Variants in WDFY3 observed in about 807,000 individuals in gnomAD.
The protein encoded by WDFY3 is WD repeat and FYVE domain-containing protein 3.
In WDFY3, 66 loss-of-function variants were observed where a neutral mutation model predicts 409.6. The observed-to-expected ratio is 0.16, with a 90% CI of 0.13 to 0.20. The LOEUF is 0.20. Ranked by LOEUF, WDFY3 falls within the 10% of genes least tolerant of loss-of-function variation. The pLI is 1.00. For missense variants in WDFY3, 3,031 were observed against 4,298.1 expected, an observed-to-expected ratio of 0.71 and a Z score of 8.24; for synonymous variants, 1,521 against 1,537.1, an observed-to-expected ratio of 0.99 and a Z score of 0.25.
At chr4:84,739,633 G>A (rs1738052577) in intron 39 of WDFY3, among the ~76,000 whole-genome samples, 1 of 152,064 alleles carries the variant, frequency 6.6e-6, no homozygotes, top group Non-Finnish European at 1.5e-5. Flanking sequence ...ATTTCTTTCA[G>A]GTTAGGGGCC....
chr4:84,953,389 T>G (rs1773851639), intron 1 of WDFY3, among the ~76,000 whole-genome samples: 1 of 152,152 alleles, frequency 6.6e-6, no homozygotes, highest in Non-Finnish European at 1.5e-5. Context: ...TGTATTGTAT[T>G]CAGGATTTTT....
intron 61 of WDFY3, 61 bp downstream of exon 61, chr4:84,690,445 C>T (rs780593696): frequency 6.3e-5 from 101 of 1,611,820 alleles, no homozygotes; most frequent in Admixed American, 8.4e-5. Context: ...TTACTTCCTA[C>T]AGGGTGTAGG....
At chr4:84,847,158 CAA>C (rs1239945721) in intron 5 of WDFY3, among the ~76,000 whole-genome samples, 2 of 151,922 alleles carry the variant, frequency 1.3e-5, no homozygotes, top group Non-Finnish European at 2.9e-5. Flanking sequence ...ACTTTGCTTC[CAA>C]AGTGCTGAGT....
chr4:84,882,864 C>T (rs865856870), intron 3 of WDFY3, among the ~76,000 whole-genome samples: 3 of 152,140 alleles, frequency 2.0e-5, no homozygotes, highest in South Asian at 2.1e-4. Flanking sequence ...CAGGTATGCA[C>T]ATGTGGCTCA....
At position 84,724,434 on chromosome 4, in the gene WDFY3, T is replaced by G; in HGVS notation, c.7433A>C (p.Lys2478Thr). 1.2e-6 allele frequency: 2 copies of G among 1,605,308 alleles called. No homozygotes were observed. ...EPEHGEDTIAKVKGLVKPPLK... is the reference protein window; with the variant it reads ...EPEHGEDTIATVKGLVKPPLK... ...CAAAAAGGCAGGCTGACCTTTGACTTTAGCAATAGTGTCTTCCCCATGCTC... is the reference window on the plus strand; with the variant it reads ...CAAAAAGGCAGGCTGACCTTTGACTGTAGCAATAGTGTCTTCCCCATGCTC... Residue 2478 changes from lysine (K) to threonine (T), a missense_variant, in exon 46 of 68, where the codon AAA (lysine) becomes ACA (threonine). Coordinates refer to ENST00000295888, the MANE Select transcript of WDFY3 (RefSeq NM_014991.6).
chr4:84,677,419 G>A (rs536039306), intron 66 of WDFY3, 23 bp from the exon 67 acceptor site: 5 of 1,571,174 alleles, frequency 3.2e-6, no homozygotes, highest in Non-Finnish European at 4.3e-6. Context: ...CGACAGAGGA[G>A]GTCACTGCAC....
Position 84,688,268 on chromosome 4 carries a change from A to G in WDFY3, c.9364-3T>C. The G allele has an allele frequency of 6.2e-7, 1 of 1,611,602 alleles. No individual in the cohort carries two copies. The highest frequency in any genetic ancestry group is 1.1e-5 in the South Asian group (1 of 90,722). ...GTATCAGTGTGGCCCAGTAAGGCCT[A>G]CGAATGAGAACAAACAAACAAAATC... On this transcript the variant is annotated splice_region_variant and splice_polypyrimidine_tract_variant and intron_variant, in intron 61 of 67. Transcript: ENST00000295888.
At position 84,677,333 on chromosome 4, in the gene WDFY3, G is replaced by T. The variant is rs1346305484; in HGVS notation, c.10323C>A (p.Asp3441Glu). The change falls in exon 67 of 68, where the codon GAC becomes GAA. Residue 3441 changes from aspartate to glutamate, a missense_variant. Physicochemically the swap from Asp to Glu is conservative, Grantham distance 45 (BLOSUM62 2). Coordinates refer to ENST00000295888, the MANE Select transcript of WDFY3 (RefSeq NM_014991.6). Reference protein sequence around the residue: ...RGRVFSWSVSDQPGRSAADHW... With the variant: ...RGRVFSWSVSEQPGRSAADHW... ...GATCAGCAGCAGAACGGCCTGGCTG[G>T]TCACTCACAGACCAGCTGAAAACTC... The T allele has an allele frequency of 6.2e-7, 1 of 1,614,144 alleles. No individual in the cohort carries two copies. The highest frequency in any genetic ancestry group is 8.5e-7 in the Non-Finnish European group (1 of 1,180,010).
intron 3 of WDFY3, among the ~76,000 whole-genome samples, chr4:84,864,919 G>A (rs1250819097): frequency 2.6e-5 from 4 of 151,326 alleles, no homozygotes; most frequent in Admixed American, 6.6e-5. Flanking sequence ...ACTGGTTCTC[G>A]CTCTAATACC....
At chr4:84,805,459 C>T (rs1006509653) in intron 15 of WDFY3, among the ~76,000 whole-genome samples, 1 of 152,108 alleles carries the variant, frequency 6.6e-6, no homozygotes, top group Non-Finnish European at 1.5e-5. Flanking sequence ...TGTATTACAA[C>T]AGGCATTATA....
chr4:84,869,391 T>G (rs1366701977), intron 3 of WDFY3, among the ~76,000 whole-genome samples: 1 of 152,204 alleles, frequency 6.6e-6, no homozygotes, highest in Non-Finnish European at 1.5e-5. Context: ...CCTATACACC[T>G]TCTCAACATG....
intron 29 of WDFY3, 59 bp from the exon 30 acceptor site, chr4:84,772,988 A>C: frequency 1.5e-6 from 2 of 1,308,284 alleles, no homozygotes; most frequent in African/African-American, 1.5e-5. Flanking sequence ...AAAACAAACA[A>C]CAAAGTACAA....
At chr4:84,778,718 C>G in intron 26 of WDFY3, 63 bp from the exon 27 acceptor site, 1 of 1,509,314 alleles carries the variant, frequency 6.6e-7, no homozygotes, top group Non-Finnish European at 9.0e-7. Context: ...TACACACACA[C>G]AAACACACAC....
chr4:84,904,334 G>C (rs1171323866), intron 2 of WDFY3, among the ~76,000 whole-genome samples: 1 of 152,000 alleles, frequency 6.6e-6, no homozygotes, highest in Admixed American at 6.6e-5. Context: ...TCCACCTCCT[G>C]GGTTCAAGGG....
intron 2 of WDFY3, among the ~76,000 whole-genome samples, chr4:84,900,534 T>C (rs1399976892): frequency 6.6e-6 from 1 of 152,208 alleles, no homozygotes; most frequent in Non-Finnish European, 1.5e-5. Flanking sequence ...TATTGTTACA[T>C]ATAAAAACTT....
chr4:84,867,937 A>G (rs561640120), intron 3 of WDFY3, among the ~76,000 whole-genome samples: 24 of 152,142 alleles, frequency 1.6e-4, no homozygotes, highest in Admixed American at 1.4e-3. Context: ...TTGGGAGGTC[A>G]AGGCGGGCAG....
chr4:84,728,160 T>C (rs1735972112), intron 44 of WDFY3, among the ~76,000 whole-genome samples: 1 of 152,152 alleles, frequency 6.6e-6, no homozygotes, highest in Admixed American at 6.5e-5. Context: ...ATAATATGCA[T>C]ATGAAAGTGA....
Position 84,724,509 on chromosome 4 carries a change from T to C in WDFY3, c.7358A>G (p.Gln2453Arg). ...RLASGNPAIV[Q>R]DAIVESSEGE... ...TTCTGAACTCTCCACAATGGCGTCT[T>C]GGACAATGGCGGGATTGCCAGAGGC... Residue 2453 changes from glutamine (Q) to arginine (R), a missense_variant, in exon 46 of 68, where the codon CAA (glutamine) becomes CGA (arginine). Physicochemically the swap from Gln to Arg is conservative, Grantham distance 43. Coordinates refer to ENST00000295888, the MANE Select transcript of WDFY3 (RefSeq NM_014991.6). 1 of 1,614,164 alleles carries C rather than the reference T, an allele frequency of 6.2e-7. No homozygotes were observed. The highest frequency in any genetic ancestry group is 8.5e-7 in the Non-Finnish European group (1 of 1,179,998).
At chr4:84,832,336 A>T (rs1294381776) in intron 7 of WDFY3, among the ~76,000 whole-genome samples, 3 of 152,172 alleles carry the variant, frequency 2.0e-5, no homozygotes, top group African/African-American at 7.2e-5. Flanking sequence ...AGGGTGGATA[A>T]GGGAAGGCGA....
Sources: allele counts gnomAD v4.1 joint callset (sites outside exome capture counted in the v4.1 genomes callset), GRCh38; gene constraint gnomAD v4.1.1; transcripts MANE v1.5; gene names NCBI Gene and HGNC (gene_info 2026-07-23, HGNC 2026-07-21).